FADS2: variants seen among roughly 807,000 people sequenced by gnomAD.
FADS2 encodes the protein fatty acid desaturase 2, also known as acyl-CoA 6-desaturase.
A neutral mutation model predicts 61.2 loss-of-function variants in FADS2; 18 were observed. The observed-to-expected ratio is 0.29, with a 90% confidence interval of 0.20 to 0.44. FADS2 has a LOEUF of 0.44. Among genes scored for constraint, FADS2 ranks in the 20% least tolerant of loss-of-function variants. The probability of loss-of-function intolerance (pLI) is 1.00; values close to 1 mark genes in which losing one functional copy is unlikely to be tolerated. For synonymous variants in FADS2, 203 were observed against 223.9 expected (o/e 0.91, Z 0.83); for missense variants, 322 against 572.7 (o/e 0.56, Z 4.47).
chr11:61,826,584 T>G, upstream of FADS2: 1 of 591,614 alleles, frequency 1.7e-6, no homozygotes, highest in South Asian at 2.1e-5. Context: ...GCCACCATAC[T>G]CTCTGGAGGT....
chr11:61,853,814 G>A (rs1337592318), intron 5 of FADS2, among the ~76,000 whole-genome samples: 2 of 152,138 alleles, frequency 1.3e-5, no homozygotes, highest in Non-Finnish European at 2.9e-5. Flanking sequence ...GGTTCCCAGA[G>A]GCAGAGACTG....
chr11:61,857,347 G>T, intron 6 of FADS2, 107 bp from the exon 7 acceptor site: 1 of 1,058,190 alleles, frequency 9.5e-7, no homozygotes, highest in Non-Finnish European at 1.5e-6. Context: ...TTCTGCCCAC[G>T]TCTGCAGGGC....
chr11:61,863,641 C>T, intron 9 of FADS2, 66 bp from the exon 10 acceptor site: 2 of 1,410,296 alleles, frequency 1.4e-6, no homozygotes, highest in Admixed American at 1.7e-5. Context: ...GGCTGGGCCC[C>T]CTGGGAATGA....
At chr11:61,855,944 A>G (rs929060183) in intron 5 of FADS2, 2 of 152,354 alleles carry the variant, frequency 1.3e-5, no homozygotes, top group African/African-American at 4.8e-5. Flanking sequence ...CATTATGCCC[A>G]TGTTCTCATT....
intron 4 of FADS2, among the ~76,000 whole-genome samples, chr11:61,842,273 T>C (rs1048537457): frequency 6.6e-6 from 1 of 152,238 alleles, no homozygotes; most frequent in Admixed American, 6.5e-5. Flanking sequence ...GCCCTGAGCC[T>C]GAAGCGGCCT....
At chr11:61,830,576 C>A (rs970655375) in intron 1 of FADS2, among the ~76,000 whole-genome samples, 1 of 152,192 alleles carries the variant, frequency 6.6e-6, no homozygotes, top group Non-Finnish European at 1.5e-5. Context: ...CCTGCTCCAG[C>A]GCTTTCTGTA....
chr11:61,816,349 C>A lies in FADS2; in HGVS notation c.64C>A (p.Pro22Thr), dbSNP rs763050225. Residue 22 changes from proline to threonine, a missense_variant, in exon 1 of 12, where the codon CCC (proline) becomes ACC (threonine). Coordinates refer to the FADS2 transcript ENST00000257261. This position sits in a 1 kb window ranked among gnomAD's most constrained non-coding sequence, Gnocchi z 7.0. Reference sequence around the variant, plus strand: ...CGTGTTGTTGGCCTCCATCCCCACTCCCCAGACTCCACTTCTCCAGGCCTC... The same window carrying A: ...CGTGTTGTTGGCCTCCATCCCCACTACCCAGACTCCACTTCTCCAGGCCTC... 6.3e-7 allele frequency: 1 copy of A among 1,598,396 alleles called. No individual in the cohort carries two copies. Among genetic ancestry groups the A allele is most frequent in the African/African-American group, 1.3e-5 (1 of 75,046 alleles).
chr11:61,861,033 C>T (rs974675497), intron 7 of FADS2, among the ~76,000 whole-genome samples: 3 of 151,790 alleles, frequency 2.0e-5, no homozygotes, highest in Non-Finnish European at 4.4e-5. Flanking sequence ...AGTGAGACCC[C>T]CCCATCTCTA....
intron 4 of FADS2, among the ~76,000 whole-genome samples, chr11:61,845,784 CAAAAA>C (rs548433908): frequency 1.2e-5 from 1 of 84,094 alleles, no homozygotes; most frequent in Non-Finnish European, 2.8e-5. Context: ...AACTCTGTCT[CAAAAA>C]AAAAAAAAAA....
intron 1 of FADS2, among the ~76,000 whole-genome samples, chr11:61,833,257 C>T (rs890845765): frequency 1.8e-4 from 28 of 152,206 alleles, no homozygotes; most frequent in Non-Finnish European, 3.8e-4. Context: ...GCTTCTCTCC[C>T]GTTACACTAG....
upstream of FADS2, among the ~76,000 whole-genome samples, chr11:61,824,389 A>G (rs1271238629): frequency 8.8e-6 from 1 of 113,348 alleles, no homozygotes; most frequent in African/African-American, 3.3e-5. Context: ...CTTGGGGGAA[A>G]AAAAAAGAGA....
At chr11:61,863,459 A>G in intron 9 of FADS2, 81 bp downstream of exon 9, 1 of 1,152,264 alleles carries the variant, frequency 8.7e-7, no homozygotes, top group Non-Finnish European at 1.3e-6. Context: ...CTGCTAACAC[A>G]GGGCTGTGCT....
intron 1 of FADS2, chr11:61,821,415 T>C (rs1406335674): frequency 1.4e-6 from 1 of 702,186 alleles, no homozygotes; most frequent in Non-Finnish European, 2.6e-6. Flanking sequence ...CCGATTGTAA[T>C]GAAGCCATAA....
At chr11:61,864,159 C>T (rs2067441990) in intron 10 of FADS2, 1 of 213,420 alleles carries the variant, frequency 4.7e-6, no homozygotes, top group Non-Finnish European at 9.3e-6. Flanking sequence ...CCTGCTGCCC[C>T]TTGTCCTTGC....
upstream of FADS2, chr11:61,827,674 G>A (rs1359731242): frequency 6.6e-6 from 1 of 152,238 alleles, no homozygotes; most frequent in South Asian, 2.1e-4. This position sits in a 1 kb window ranked among gnomAD's most constrained non-coding sequence, Gnocchi z 4.5. Flanking sequence ...TGGCACCCTG[G>A]TGGCCGCGCC....
chr11:61,859,626 G>GT (rs765625536), intron 7 of FADS2, among the ~76,000 whole-genome samples: 2 of 152,168 alleles, frequency 1.3e-5, no homozygotes, highest in African/African-American at 4.8e-5. Flanking sequence ...GCACCATTAT[G>GT]TTTTTTCCCT....
chr11:61,835,671 C>G (rs2067168050), intron 1 of FADS2, among the ~76,000 whole-genome samples: 1 of 151,892 alleles, frequency 6.6e-6, no homozygotes, highest in Non-Finnish European at 1.5e-5. Context: ...TCCCAAAGTG[C>G]TGGGATTACC....
At chr11:61,833,319 T>C (rs2067144443) in intron 1 of FADS2, among the ~76,000 whole-genome samples, 1 of 152,216 alleles carries the variant, frequency 6.6e-6, no homozygotes, top group South Asian at 2.1e-4. Context: ...GGGTTGGCCC[T>C]CCCTTGCCTT....
At chr11:61,838,962 T>A (rs1664799882) in intron 2 of FADS2, among the ~76,000 whole-genome samples, 1 of 152,152 alleles carries the variant, frequency 6.6e-6, no homozygotes, top group African/African-American at 2.4e-5. Context: ...CCATTTAGCA[T>A]CCAAGCTCCC....
Sources: gnomAD v4.1 joint callset for allele counts (sites outside exome capture counted in the v4.1 genomes callset) on GRCh38, gnomAD v4.1.1 for gene constraint, Gnocchi (gnomAD v3.1) non-coding constraint, MANE v1.5 for transcripts, NCBI Gene and HGNC (gene_info 2026-07-23, HGNC 2026-07-21) for gene names.